The following XKR9 variants were observed in gnomAD, a reference collection of about 807,000 sequenced individuals.
The protein encoded by XKR9 is XK related 9, also known as XK-related protein 9.
XKR9 carries 32 observed loss-of-function variants against 32.0 expected under a neutral mutation model. The ratio of observed to expected loss-of-function variants is 1.00; its 90% confidence interval spans 0.76 to 1.34. XKR9 has a LOEUF of 1.34. Ranked by LOEUF, XKR9 falls within the 40% of genes most tolerant of loss-of-function variation. The pLI, the probability that XKR9 is intolerant of heterozygous loss-of-function variation, is 0.00. For synonymous variants in XKR9, 168 were observed against 143.4 expected, an observed-to-expected ratio of 1.17 and a Z score of -1.22; for missense variants, 546 against 429.7, an observed-to-expected ratio of 1.27 and a Z score of -2.39.
At position 70,687,611 on chromosome 8, in the gene XKR9, C is replaced by T. The variant is rs1819349747; in HGVS notation, c.272+6281C>T. On this transcript the variant is annotated intron_variant, in intron 3 of 4. Transcript: ENST00000408926. ...TCTCGAACTCCTGGCCTCAAGTGAT[C>T]CTCCTGCCTTGGCCTCCCAAAGTGC... Among the ~76,000 whole-genome samples, 4 of 152,178 alleles carry T rather than the reference C, an allele frequency of 2.6e-5. No individual in the cohort carries two copies. In the South Asian group the frequency reaches 6.2e-4, roughly 24 times the overall value.
In XKR9 at chr8:70,735,762, C is replaced by T. The variant is rs1239243043; in HGVS notation, c.*1338C>T. The T allele has an allele frequency of 5.9e-5, 9 of 151,638 alleles. No individual in the cohort carries two copies. The highest frequency in any genetic ancestry group is 9.7e-5 in the African/African-American group (4 of 41,226). The allele number at this position is 151,638 out of a possible 1,614,324, so 9.4% of individuals were successfully genotyped here. ...GTTTACTGAGAATGATGATTTCCAG[C>T]TTCATCCATGTCCCTACAAAGGACA... is the stretch of plus-strand genomic sequence containing the variant. On this transcript the variant is annotated 3_prime_UTR_variant, in exon 5 of 5. Transcript: ENST00000408926.
chr8:70,989,626 ATCT>A, the XKR9 span, among the ~76,000 whole-genome samples: 113 of 152,258 alleles, frequency 7.4e-4, no homozygotes, highest in Non-Finnish European at 1.4e-3. Context: ...CTGGGATTAG[ATCT>A]TCTTCTTCTT....
chr8:70,783,176 G>T (rs1044523209), intron 2 of XKR9, among the ~76,000 whole-genome samples: 4 of 150,924 alleles, frequency 2.7e-5, no homozygotes, highest in Admixed American at 2.0e-4. Context: ...TTCCCTAATG[G>T]TTAGCAATAT....
At chr8:71,007,134 A>G in the XKR9 span, among the ~76,000 whole-genome samples, 1 of 152,184 alleles carries the variant, frequency 6.6e-6, no homozygotes, top group African/African-American at 2.4e-5. Context: ...TATACCTGCC[A>G]TAGTTGTATG....
the XKR9 span, among the ~76,000 whole-genome samples, chr8:70,971,417 G>C: frequency 6.6e-6 from 1 of 151,998 alleles, no homozygotes; most frequent in Non-Finnish European, 1.5e-5. Flanking sequence ...TGGGTTATCT[G>C]TTAACTCTAC....
At chr8:71,022,756 A>G in the XKR9 span, among the ~76,000 whole-genome samples, 20 of 152,226 alleles carry the variant, frequency 1.3e-4, no homozygotes, top group Admixed American at 1.2e-3. Context: ...GAATGCTTGG[A>G]TGCTTTATAG....
At chr8:70,689,867 G>A (rs1819450149) in intron 3 of XKR9, among the ~76,000 whole-genome samples, 1 of 152,010 alleles carries the variant, frequency 6.6e-6, no homozygotes, top group South Asian at 2.1e-4. Flanking sequence ...ACTCTATATG[G>A]GTACACATGA....
chr8:70,899,732 T>G, the XKR9 span, among the ~76,000 whole-genome samples: 1 of 152,160 alleles, frequency 6.6e-6, no homozygotes, highest in South Asian at 2.1e-4. Context: ...TTTTTTAAAA[T>G]TTAATAATAC....
the XKR9 span, among the ~76,000 whole-genome samples, chr8:71,006,345 T>A: frequency 2.0e-5 from 3 of 148,068 alleles, no homozygotes; most frequent in Non-Finnish European, 4.5e-5. Context: ...TTTTTTTTTT[T>A]AGCTCACTAG....
the XKR9 span, among the ~76,000 whole-genome samples, chr8:70,860,058 G>T: frequency 6.6e-6 from 1 of 151,986 alleles, no homozygotes; most frequent in Admixed American, 6.6e-5. Flanking sequence ...TGACTTGATC[G>T]TTACACATTC....
At chr8:71,011,730 G>T in the XKR9 span, among the ~76,000 whole-genome samples, 1 of 152,238 alleles carries the variant, frequency 6.6e-6, no homozygotes, top group Middle Eastern at 3.4e-3. Flanking sequence ...AAACTAACTT[G>T]GTCAGCATGC....
chr8:70,904,249 C>G, the XKR9 span, among the ~76,000 whole-genome samples: 1 of 152,096 alleles, frequency 6.6e-6, no homozygotes, highest in Admixed American at 6.6e-5. Context: ...GTGTGGGAGT[C>G]TAAGTCTCTC....
At chr8:70,897,692 A>C in the XKR9 span, among the ~76,000 whole-genome samples, 4 of 152,182 alleles carry the variant, frequency 2.6e-5, no homozygotes, top group African/African-American at 4.8e-5. Flanking sequence ...AGAAATGTCT[A>C]TTCAGACCTT....
the XKR9 span, among the ~76,000 whole-genome samples, chr8:70,887,481 T>C: frequency 1.3e-5 from 2 of 152,184 alleles, no homozygotes; most frequent in Non-Finnish European, 2.9e-5. Flanking sequence ...GGTAGCTTGA[T>C]GGGAATAGCA....
At chr8:70,760,145 G>C (rs1807288473) in intron 2 of XKR9, among the ~76,000 whole-genome samples, 1 of 152,116 alleles carries the variant, frequency 6.6e-6, no homozygotes, top group East Asian at 1.9e-4. Flanking sequence ...TCATCATTCT[G>C]TAGCTATTTC....
At chr8:70,853,858 A>C in the XKR9 span, among the ~76,000 whole-genome samples, 373 of 152,168 alleles carry the variant, frequency 2.5e-3, 11 homozygotes, top group East Asian at 0.058. Flanking sequence ...GACATGAACT[A>C]ATCCTTTTTT....
the XKR9 span, among the ~76,000 whole-genome samples, chr8:71,036,151 C>T: frequency 3.3e-5 from 5 of 152,226 alleles, no homozygotes; most frequent in South Asian, 1.0e-3. Context: ...ATATGTTTTT[C>T]TCCTATTAAT....
At chr8:70,701,715 A>G (rs1053253142) in intron 3 of XKR9, among the ~76,000 whole-genome samples, 2 of 152,192 alleles carry the variant, frequency 1.3e-5, no homozygotes, top group Non-Finnish European at 2.9e-5. Flanking sequence ...AGAAAAATTG[A>G]ATTCATGTTG....
chr8:70,714,909 A>G (rs1016761707), intron 4 of XKR9, among the ~76,000 whole-genome samples: 6 of 152,164 alleles, frequency 3.9e-5, no homozygotes, highest in African/African-American at 1.4e-4. Flanking sequence ...ACTGAGGAAA[A>G]GGCATAACAA....
Sources: allele counts gnomAD v4.1 joint callset (sites outside exome capture counted in the v4.1 genomes callset), GRCh38; gene constraint gnomAD v4.1.1; transcripts MANE v1.5; gene names NCBI Gene and HGNC (gene_info 2026-07-23, HGNC 2026-07-21).